ALDH2: variants seen among roughly 807,000 people sequenced by gnomAD.
ALDH2 encodes aldehyde dehydrogenase 2 family member, also known as aldehyde dehydrogenase, mitochondrial.
In ALDH2, 44 loss-of-function variants were observed where a neutral mutation model predicts 59.6. That is an observed-to-expected ratio of 0.74 (90% CI 0.58 to 0.95). The LOEUF (loss-of-function observed/expected upper bound fraction) is 0.95. Among genes scored for constraint, ALDH2 ranks in the 40% least tolerant of loss-of-function variants. The probability of loss-of-function intolerance (pLI) is 0.00; values close to 1 mark genes in which losing one functional copy is unlikely to be tolerated. For missense variants in ALDH2, 570 were observed against 696.3 expected (o/e 0.82, Z 2.04); for synonymous variants, 291 against 284.0 (o/e 1.02, Z -0.25).
chr12:111,768,483 A>G (rs560787949), intron 1 of ALDH2, among the ~76,000 whole-genome samples: 7 of 152,406 alleles, frequency 4.6e-5, no homozygotes, highest in African/African-American at 1.7e-4. Flanking sequence ...CTAAAAAGGC[A>G]GCAGCTATGG....
At chr12:111,788,634 T>G (rs564076617) in intron 4 of ALDH2, among the ~76,000 whole-genome samples, 1 of 152,286 alleles carries the variant, frequency 6.6e-6, no homozygotes, top group South Asian at 2.1e-4. Context: ...GGAGGGAAGC[T>G]GCAATGCCTG....
intron 1 of ALDH2, among the ~76,000 whole-genome samples, chr12:111,768,487 G>C (rs1244838489): frequency 6.6e-6 from 1 of 152,270 alleles, no homozygotes; most frequent in Non-Finnish European, 1.5e-5. Flanking sequence ...AAAGGCAGCA[G>C]CTATGGCTCC....
chr12:111,781,865 G>T, intron 1 of ALDH2, 53 bp from the exon 2 acceptor site: 2 of 1,249,218 alleles, frequency 1.6e-6, no homozygotes, highest in Non-Finnish European at 2.3e-6. Context: ...AATACTGGTA[G>T]TCAGTATTAG....
intron 11 of ALDH2, among the ~76,000 whole-genome samples, chr12:111,801,414 ACTGT>A (rs770421525): frequency 2.6e-5 from 4 of 152,098 alleles, no homozygotes; most frequent in Non-Finnish European, 5.9e-5. Flanking sequence ...AAGAACCCAG[ACTGT>A]CTGGGTGCGG....
Position 111,792,784 on chromosome 12 carries a change from T to A in ALDH2, c.1083+2T>A. On this transcript the variant is annotated splice_donor_variant, in intron 9 of 12. Transcript: ENST00000261733. LOFTEE classifies it high-confidence loss of function. ...AGCAAGACCGAGCAGGGGCCGCAGG[T>A]GAGCCAGGCAGTGCCGCAGGGTCTG... 1 of 1,547,876 alleles carries A rather than the reference T, an allele frequency of 6.5e-7. No individual in the cohort carries two copies. The highest frequency in any genetic ancestry group is 8.7e-7 in the Non-Finnish European group (1 of 1,147,100).
intron 1 of ALDH2, among the ~76,000 whole-genome samples, chr12:111,772,441 T>C (rs895391771): frequency 4.4e-4 from 67 of 152,062 alleles, no homozygotes; most frequent in South Asian, 8.3e-4. Context: ...CACGGCTCAC[T>C]GCAACCTCTG....
Position 111,773,731 on chromosome 12 carries a change from T to C in ALDH2, c.114+6635T>C, listed in dbSNP as rs1566180889. On this transcript the variant is annotated intron_variant, in intron 1 of 12. Coordinates refer to ENST00000261733, the MANE Select transcript of ALDH2 (RefSeq NM_000690.4). ...GACCATAAGAATGTATTAATAAACA[T>C]TTAAGGGACAATTGAATAGAATTTT... Among the ~76,000 whole-genome samples the C allele has an allele frequency of 3.3e-5, 5 of 152,334 alleles. No homozygotes were observed. The South Asian group carries it at 8.3e-4, about 25-fold the overall frequency.
intron 1 of ALDH2, among the ~76,000 whole-genome samples, chr12:111,779,184 C>A (rs1033789589): frequency 1.3e-5 from 2 of 150,642 alleles, no homozygotes; most frequent in African/African-American, 2.4e-5. Context: ...AACCTCTGCT[C>A]CTTTTTGTGT....
chr12:111,782,146 A>G, intron 2 of ALDH2, 124 bp downstream of exon 2: 1 of 696,272 alleles, frequency 1.4e-6, no homozygotes, highest in Non-Finnish European at 2.5e-6. Context: ...CCAGTGAAAA[A>G]TTCCGAGTAA....
chr12:111,783,246 G>A lies in ALDH2; in HGVS notation c.308G>A (p.Arg103Gln), dbSNP rs761993467. ...CGCATGGACGCATCACACAGGGGCC[G>A]GCTGCTGAACCGCCTGGCCGATCTG... Reference protein sequence around the residue: ...WRRMDASHRGRLLNRLADLIE... With the variant: ...WRRMDASHRGQLLNRLADLIE... The change falls in exon 3 of 13, where the codon CGG becomes CAG. Residue 103 changes from arginine to glutamine, a missense_variant. Arg to Gln is a conservative substitution (Grantham distance 43). Coordinates refer to ENST00000261733, the MANE Select transcript of ALDH2 (RefSeq NM_000690.4). 2.0e-5 allele frequency: 33 copies of A among 1,613,008 alleles called. No homozygotes were observed. Among genetic ancestry groups the A allele is most frequent in the South Asian group, 5.5e-5 (5 of 90,852 alleles).
At position 111,800,025 on chromosome 12, in the gene ALDH2, C is replaced by A; in HGVS notation, c.1368C>A (p.Ala456=). 1.2e-6 allele frequency: 2 copies of A among 1,613,634 alleles called. No individual in the cohort carries two copies. The highest frequency in any genetic ancestry group is 1.7e-6 in the Non-Finnish European group (2 of 1,179,928). The change falls in exon 11 of 13, where the codon GCC becomes GCA. Residue 456 remains alanine (A), a synonymous_variant. Transcript: ENST00000261733. The stretch of plus-strand genomic sequence containing the variant: ...TCTTCACAAAGGATTTGGACAAGGC[C>A]AATTACCTGTCCCAGGCCCTCCAGG... ...AAVFTKDLDK[A]NYLSQALQAG...
chr12:111,778,835 G>GAA (rs766411401), intron 1 of ALDH2, among the ~76,000 whole-genome samples: 1 of 130,818 alleles, frequency 7.6e-6, no homozygotes, highest in Non-Finnish European at 1.7e-5. Flanking sequence ...TCTGTCTCAG[G>GAA]AAAAAAAAAA....
At chr12:111,787,030 C>G (rs924361463) in intron 4 of ALDH2, among the ~76,000 whole-genome samples, 1 of 151,954 alleles carries the variant, frequency 6.6e-6, no homozygotes, top group African/African-American at 2.4e-5. Flanking sequence ...CATGGTGAAA[C>G]CCCATCTCTA....
intron 11 of ALDH2, among the ~76,000 whole-genome samples, chr12:111,801,427 G>A (rs943709055): frequency 1.3e-5 from 2 of 152,028 alleles, no homozygotes; most frequent in African/African-American, 2.4e-5. Flanking sequence ...GTCTGGGTGC[G>A]GTGGCTCATG....
At chr12:111,775,929 A>G (rs1393979429) in intron 1 of ALDH2, among the ~76,000 whole-genome samples, 1 of 152,236 alleles carries the variant, frequency 6.6e-6, no homozygotes, top group African/African-American at 2.4e-5. Flanking sequence ...TGTAAACCGG[A>G]GGAGGTTTCC....
At chr12:111,798,957 C>T (rs1035839938) in intron 10 of ALDH2, among the ~76,000 whole-genome samples, 5 of 150,944 alleles carry the variant, frequency 3.3e-5, no homozygotes, top group East Asian at 2.0e-4. Flanking sequence ...TTCAGTGAGC[C>T]GAGATCGCGC....
chr12:111,805,036 A>G (rs1031955030), intron 12 of ALDH2, among the ~76,000 whole-genome samples: 2 of 152,206 alleles, frequency 1.3e-5, no homozygotes, highest in Non-Finnish European at 2.9e-5. Context: ...CCAATAAATT[A>G]TGGAACACCC....
intron 1 of ALDH2, among the ~76,000 whole-genome samples, chr12:111,772,749 C>G (rs1408462418): frequency 6.7e-6 from 1 of 148,590 alleles, no homozygotes; most frequent in Non-Finnish European, 1.5e-5. Flanking sequence ...TCATAACTCA[C>G]TGCAACCTCA....
intron 12 of ALDH2, 50 bp downstream of exon 12, chr12:111,804,023 C>G: frequency 7.3e-7 from 1 of 1,369,020 alleles, no homozygotes; most frequent in South Asian, 1.3e-5. Flanking sequence ...GCTTGAGGGT[C>G]TGCTGGTGGC....
Sources: allele counts gnomAD v4.1 joint callset (sites outside exome capture counted in the v4.1 genomes callset), GRCh38; gene constraint gnomAD v4.1.1; transcripts MANE v1.5; gene names NCBI Gene and HGNC (gene_info 2026-07-23, HGNC 2026-07-21).